Variants in SORCS1 observed in about 807,000 individuals in gnomAD.
SORCS1 encodes the protein VPS10 domain-containing receptor SorCS1.
SORCS1 carries 60 observed loss-of-function variants against 146.1 expected under a neutral mutation model. The observed-to-expected ratio is 0.41, with a 90% CI of 0.33 to 0.51. SORCS1 has a LOEUF of 0.51. Ranked by LOEUF, SORCS1 falls within the 20% of genes least tolerant of loss-of-function variation. The pLI is 0.21. For missense variants in SORCS1, 1,352 were observed against 1,487.6 expected (o/e 0.91, Z 1.50); for synonymous variants, 637 against 584.0 (o/e 1.09, Z -1.31).
At chr10:106,654,127 ACTT>A (rs1292900394) in intron 17 of SORCS1, among the ~76,000 whole-genome samples, 1 of 152,186 alleles carries the variant, frequency 6.6e-6, no homozygotes, top group Non-Finnish European at 1.5e-5. Context: ...GGTACAGCTT[ACTT>A]CTTGTCTTCT....
At chr10:106,877,266 T>C (rs1256962701) in intron 2 of SORCS1, among the ~76,000 whole-genome samples, 1 of 152,156 alleles carries the variant, frequency 6.6e-6, no homozygotes, top group Non-Finnish European at 1.5e-5. Context: ...AGTCTACTTT[T>C]GAACAAGTAG....
chr10:107,155,682 C>T (rs944148624), intron 1 of SORCS1, among the ~76,000 whole-genome samples: 2 of 152,042 alleles, frequency 1.3e-5, no homozygotes, highest in Non-Finnish European at 1.5e-5. Flanking sequence ...TCTGCCCCAC[C>T]GACCCATCCA....
intron 2 of SORCS1, among the ~76,000 whole-genome samples, chr10:106,915,705 T>G (rs1164964199): frequency 6.6e-6 from 1 of 152,208 alleles, no homozygotes; most frequent in Non-Finnish European, 1.5e-5. Flanking sequence ...AGCTGAAAAC[T>G]GAGGTTGTGT....
chr10:107,115,394 C>A (rs1171086151), intron 1 of SORCS1, among the ~76,000 whole-genome samples: 3 of 151,922 alleles, frequency 2.0e-5, no homozygotes, highest in East Asian at 1.9e-4. Flanking sequence ...ACGGTATTGG[C>A]ATAAAAACAG....
At chr10:106,876,934 T>C (rs559687911) in intron 2 of SORCS1, among the ~76,000 whole-genome samples, 8 of 152,188 alleles carry the variant, frequency 5.3e-5, no homozygotes, top group Non-Finnish European at 1.2e-4. Flanking sequence ...ATTAAGAGGT[T>C]TTTTCAGAGT....
intron 3 of SORCS1, among the ~76,000 whole-genome samples, chr10:106,782,989 C>T (rs2136431482): frequency 6.6e-6 from 1 of 152,298 alleles, no homozygotes; most frequent in South Asian, 2.1e-4. Context: ...AGGTCATTCA[C>T]ACCATGAGAA....
chr10:107,155,204 T>A (rs1184400637), intron 1 of SORCS1, among the ~76,000 whole-genome samples: 1 of 152,206 alleles, frequency 6.6e-6, no homozygotes, highest in African/African-American at 2.4e-5. Context: ...ATGGTTTCTA[T>A]TGAGAAGCTG....
chr10:106,684,155 T>C (rs901247083), intron 10 of SORCS1, among the ~76,000 whole-genome samples: 2 of 152,068 alleles, frequency 1.3e-5, no homozygotes, highest in Admixed American at 1.3e-4. Context: ...CCAACCAACA[T>C]GGTGAAACCC....
intron 1 of SORCS1, among the ~76,000 whole-genome samples, chr10:107,147,969 T>C (rs1590240342): frequency 6.6e-6 from 1 of 152,238 alleles, no homozygotes; most frequent in Non-Finnish European, 1.5e-5. Flanking sequence ...GGAGGTGATA[T>C]CCAAATGAGG....
chr10:107,143,815 T>A (rs772112838), intron 1 of SORCS1, among the ~76,000 whole-genome samples: 2 of 151,578 alleles, frequency 1.3e-5, no homozygotes, highest in African/African-American at 4.9e-5. Flanking sequence ...AATTTTCCTA[T>A]TTTTTTTGTA....
In SORCS1 at chr10:106,713,063, G is replaced by A. The variant is rs1056201818; in HGVS notation, c.1025-3722C>T. Among the ~76,000 whole-genome samples the A allele has an allele frequency of 3.9e-5, 6 of 152,318 alleles. No homozygotes were observed. The South Asian group carries it at 1.0e-3, about 26-fold the overall frequency. On this transcript the variant is annotated intron_variant, in intron 6 of 25. Coordinates refer to ENST00000263054, the MANE Select transcript of SORCS1 (RefSeq NM_052918.5). ...AATCTGAGAGATATCAGGAGATACAGCAGAAGATCTTCTGCCTCTGTAAAC... is the reference window on the plus strand; with the variant it reads ...AATCTGAGAGATATCAGGAGATACAACAGAAGATCTTCTGCCTCTGTAAAC...
chr10:106,604,050 G>A (rs1046591072), intron 23 of SORCS1, among the ~76,000 whole-genome samples: 5 of 152,124 alleles, frequency 3.3e-5, no homozygotes, highest in Admixed American at 3.3e-4. Flanking sequence ...TCTTTGGATT[G>A]GGTTGATAAA....
chr10:106,953,440 T>C (rs1450316972), intron 2 of SORCS1, among the ~76,000 whole-genome samples: 1 of 152,296 alleles, frequency 6.6e-6, no homozygotes, highest in African/African-American at 2.4e-5. Context: ...GTGTTGTTTT[T>C]AAATTTTTTT....
Position 106,880,083 on chromosome 10 carries a change from G to A in SORCS1, c.627-50410C>T, listed in dbSNP as rs115812345. ...AAAGCTAATAACGACAGCACAAGGT[G>A]GTTGGTGGCTAAGGTGCCTGGAACG... is the stretch of plus-strand genomic sequence containing the variant. On this transcript the variant is annotated intron_variant, in intron 2 of 25. Transcript: ENST00000263054. Among the ~76,000 whole-genome samples, 1,451 of 152,320 alleles carry A rather than the reference G, an allele frequency of 9.5e-3. 24 individuals carry two copies. Among genetic ancestry groups the A allele is most frequent in the African/African-American group, 0.033 (1,380 of 41,570 alleles).
At chr10:107,145,750 A>T (rs1390616117) in intron 1 of SORCS1, among the ~76,000 whole-genome samples, 1 of 152,254 alleles carries the variant, frequency 6.6e-6, no homozygotes, top group Admixed American at 6.5e-5. Flanking sequence ...GCAAGTTAGC[A>T]AGTGCACACA....
intron 2 of SORCS1, among the ~76,000 whole-genome samples, chr10:106,870,003 A>G (rs563484742): frequency 1.1e-4 from 17 of 152,282 alleles, no homozygotes; most frequent in African/African-American, 3.8e-4. Flanking sequence ...GTTTCAGGAT[A>G]CAAAATCAAT....
chr10:106,674,986 A>G (rs1038226949), intron 14 of SORCS1, 63 bp downstream of exon 14: 10 of 1,342,620 alleles, frequency 7.4e-6, no homozygotes, highest in African/African-American at 1.4e-5. Flanking sequence ...GCTTAGCTAT[A>G]AAACATTTTT....
Position 106,952,542 on chromosome 10 carries a change from ATATATTATAT to A in SORCS1, c.626+3961_626+3970del, listed in dbSNP as rs35734331. ...ACCGAGGTTTCATATATGACACATTATATATTATATTATATTATATTATATTATATTATAC... is the reference window on the plus strand; with the variant it reads ...ACCGAGGTTTCATATATGACACATTATATATTATATTATATTATATTATAC... On this transcript the variant is annotated intron_variant, in intron 2 of 25. Coordinates refer to ENST00000263054, the MANE Select transcript of SORCS1 (RefSeq NM_052918.5). Among the ~76,000 whole-genome samples, 1,062 of 143,038 alleles carry A rather than the reference ATATATTATAT, an allele frequency of 7.4e-3. 8 individuals are homozygous for A. Among genetic ancestry groups the A allele is most frequent in the African/African-American group, 0.015 (592 of 39,316 alleles). 93.8% of individuals were successfully genotyped at this position (143,038 alleles called of 152,430 possible). A position where few individuals can be genotyped will look rare whatever the true frequency, so the allele number is the denominator to read the frequency against.
intron 1 of SORCS1, among the ~76,000 whole-genome samples, chr10:106,988,749 C>A (rs1315334944): frequency 6.6e-6 from 1 of 152,038 alleles, no homozygotes; most frequent in Non-Finnish European, 1.5e-5. Context: ...AATCAGGTCT[C>A]AAAATGTGAC....
Sources: allele counts gnomAD v4.1 joint callset (sites outside exome capture counted in the v4.1 genomes callset), GRCh38; gene constraint gnomAD v4.1.1; transcripts MANE v1.5; gene names NCBI Gene and HGNC (gene_info 2026-07-23, HGNC 2026-07-21).